GAS2: variants seen among roughly 807,000 people sequenced by gnomAD.
GAS2 encodes the protein growth arrest specific 2, also known as growth arrest-specific protein 2.
Under a neutral mutation model 37.5 loss-of-function variants are expected in GAS2, and 20 were observed. The observed-to-expected ratio is 0.53, with a 90% CI of 0.37 to 0.77. The LOEUF is 0.77. Ranked by LOEUF, GAS2 falls within the 30% of genes least tolerant of loss-of-function variation. The pLI, the probability that GAS2 is intolerant of heterozygous loss-of-function variation, is 0.00. For missense variants in GAS2, 336 were observed against 373.4 expected, an observed-to-expected ratio of 0.90 and a Z score of 0.82; for synonymous variants, 144 against 132.2, an observed-to-expected ratio of 1.09 and a Z score of -0.61.
intron 3 of GAS2, among the ~76,000 whole-genome samples, chr11:22,686,407 A>G (rs1393190280): frequency 1.3e-5 from 2 of 151,866 alleles, no homozygotes; most frequent in African/African-American, 4.8e-5. Context: ...GAATGAAAAG[A>G]GATATAAAAA....
At chr11:22,643,458 G>GAAA (rs112763541) in intron 1 of GAS2, among the ~76,000 whole-genome samples, 4 of 113,970 alleles carry the variant, frequency 3.5e-5, no homozygotes, top group Non-Finnish European at 3.8e-5. Flanking sequence ...CATCTGTTTT[G>GAAA]AAAAAAAAAA....
intron 7 of GAS2, among the ~76,000 whole-genome samples, chr11:22,759,113 A>G (rs558712059): frequency 6.6e-6 from 1 of 152,238 alleles, no homozygotes; most frequent in Admixed American, 6.5e-5. Flanking sequence ...TATCTTCCCT[A>G]TACATTCAAA....
At chr11:22,627,485 C>G (rs766758287) in intron 1 of GAS2, among the ~76,000 whole-genome samples, 3 of 152,078 alleles carry the variant, frequency 2.0e-5, no homozygotes, top group African/African-American at 4.8e-5. Flanking sequence ...CTTTTCAGGC[C>G]GGAGGCAGTG....
intron 1 of GAS2, among the ~76,000 whole-genome samples, chr11:22,639,334 C>T (rs1251616113): frequency 6.6e-6 from 1 of 152,200 alleles, no homozygotes; most frequent in Non-Finnish European, 1.5e-5. Flanking sequence ...TCCTCTCTCT[C>T]TTGCTGTCTT....
intron 1 of GAS2, among the ~76,000 whole-genome samples, chr11:22,642,375 T>C (rs1380123636): frequency 6.6e-6 from 1 of 152,174 alleles, no homozygotes; most frequent in Non-Finnish European, 1.5e-5. Flanking sequence ...ATTTACGTGA[T>C]TGGGTGAAGC....
chr11:22,678,250 A>G (rs529261646), intron 2 of GAS2, among the ~76,000 whole-genome samples: 3 of 152,254 alleles, frequency 2.0e-5, no homozygotes, highest in Non-Finnish European at 4.4e-5. Flanking sequence ...TAGAATGGTG[A>G]TAATAAGGAG....
At chr11:22,714,750 C>A (rs1349215157) in intron 3 of GAS2, among the ~76,000 whole-genome samples, 1 of 152,138 alleles carries the variant, frequency 6.6e-6, no homozygotes, top group Non-Finnish European at 1.5e-5. Context: ...ATTAAATAAT[C>A]TGCTTCTGAA....
upstream of GAS2, among the ~76,000 whole-genome samples, chr11:22,664,802 T>A (rs1288729386): frequency 6.6e-6 from 1 of 152,090 alleles, no homozygotes; most frequent in Non-Finnish European, 1.5e-5. Flanking sequence ...TTTTTACATA[T>A]GCTAAAAAAA....
At chr11:22,752,346 GT>G (rs575549093) in intron 6 of GAS2, among the ~76,000 whole-genome samples, 1 of 151,084 alleles carries the variant, frequency 6.6e-6, no homozygotes, top group Non-Finnish European at 1.5e-5. Flanking sequence ...TGTTTGATAG[GT>G]TTTTTTTTAC....
At chr11:22,811,304 C>G (rs1220451535) in intron 7 of GAS2, among the ~76,000 whole-genome samples, 1 of 152,140 alleles carries the variant, frequency 6.6e-6, no homozygotes, top group Non-Finnish European at 1.5e-5. Flanking sequence ...GGGGAAAACT[C>G]CAATAATTTT....
chr11:22,642,158 C>T (rs1848638317), intron 1 of GAS2, among the ~76,000 whole-genome samples: 2 of 152,040 alleles, frequency 1.3e-5, no homozygotes, highest in Admixed American at 1.3e-4. Context: ...AATTGATTAC[C>T]ACTAGCTGGA....
intron 5 of GAS2, among the ~76,000 whole-genome samples, chr11:22,746,292 G>A (rs1018392990): frequency 2.6e-5 from 4 of 152,184 alleles, no homozygotes; most frequent in Non-Finnish European, 5.9e-5. Flanking sequence ...CAGCCACTGA[G>A]GAAAGCAGTT....
intron 7 of GAS2, among the ~76,000 whole-genome samples, chr11:22,794,237 A>G (rs1199080836): frequency 1.3e-5 from 2 of 152,042 alleles, no homozygotes; most frequent in African/African-American, 2.4e-5. Flanking sequence ...ATGAAGAAAT[A>G]CATATACATT....
chr11:22,634,082 T>C (rs1032118648), intron 1 of GAS2, among the ~76,000 whole-genome samples: 4 of 152,172 alleles, frequency 2.6e-5, no homozygotes, highest in African/African-American at 9.7e-5. Context: ...AGAGGTTTAG[T>C]TGATTCACAG....
intron 1 of GAS2, among the ~76,000 whole-genome samples, chr11:22,669,097 T>C (rs945152022): frequency 6.6e-6 from 1 of 152,240 alleles, no homozygotes; most frequent in African/African-American, 2.4e-5. Context: ...ATGTCACATA[T>C]GTGTATATAT....
intron 7 of GAS2, among the ~76,000 whole-genome samples, chr11:22,800,297 C>G (rs16910180): frequency 0.2 from 29,671 of 151,984 alleles, 3,570 homozygotes; most frequent in African/African-American, 0.34. Context: ...TTCTGACCAC[C>G]ATGGGGATGC....
At chr11:22,763,616 T>TACAC (rs34715661) in intron 7 of GAS2, among the ~76,000 whole-genome samples, 3,519 of 143,826 alleles carry the variant, frequency 0.024, 52 homozygotes, top group East Asian at 0.032. Context: ...AAAATACACA[T>TACAC]ACACACACAC....
At chr11:22,789,281 C>CATATATATATATATATATATAT (rs1210684540) in intron 7 of GAS2, among the ~76,000 whole-genome samples, 3 of 109,880 alleles carry the variant, frequency 2.7e-5, no homozygotes, top group Admixed American at 9.6e-5. Flanking sequence ...GCCTAGATTT[C>CATATATATATATATATATATAT]ATATATATAT....
chr11:22,638,499 C>T (rs529338266), intron 1 of GAS2, among the ~76,000 whole-genome samples: 68 of 152,006 alleles, frequency 4.5e-4, no homozygotes, highest in Non-Finnish European at 5.7e-4. Flanking sequence ...GCACTTGGCA[C>T]CACACCCAGC....
Sources: gnomAD v4.1 joint callset for allele counts (sites outside exome capture counted in the v4.1 genomes callset) on GRCh38, gnomAD v4.1.1 for gene constraint, MANE v1.5 for transcripts, NCBI Gene and HGNC (gene_info 2026-07-23, HGNC 2026-07-21) for gene names.